MSH5: variants seen among roughly 807,000 people sequenced by gnomAD.
MSH5 encodes mutS homolog 5, also known as mutS protein homolog 5.
A neutral mutation model predicts 107.7 loss-of-function variants in MSH5; 78 were observed. The observed-to-expected ratio is 0.72, with a 90% confidence interval of 0.60 to 0.87. The LOEUF (loss-of-function observed/expected upper bound fraction) is 0.87, where lower values mean the gene tolerates loss of function less well. Ranked by LOEUF, MSH5 falls within the 40% of genes least tolerant of loss-of-function variation. MSH5 has a pLI of 0.00. For synonymous variants in MSH5, 326 were observed against 399.5 expected, an observed-to-expected ratio of 0.82 and a Z score of 2.19; for missense variants, 889 against 1,046.6, an observed-to-expected ratio of 0.85 and a Z score of 2.08.
Position 31,743,952 on chromosome 6 carries a change from T to C in MSH5, c.464T>C (p.Ile155Thr). Residue 155 changes from isoleucine to threonine, a missense_variant, in exon 6 of 25, where the codon ATC becomes ACC. Ile to Thr is a moderately conservative substitution (Grantham distance 89). Coordinates refer to ENST00000375750, the MANE Select transcript of MSH5 (RefSeq NM_172166.4). Reference sequence around the variant, plus strand: ...CTCCTTTCTGGAAACTACTCCTTCATCCCAGACGCCATGACTGCCACTGAG... The same window carrying C: ...CTCCTTTCTGGAAACTACTCCTTCACCCCAGACGCCATGACTGCCACTGAG... ...QRLLSGNYSF[I>T]PDAMTATEKI... is the part of the protein sequence containing the mutation. 6.2e-7 allele frequency: 1 copy of C among 1,613,706 alleles called. No homozygotes were observed. Among genetic ancestry groups the C allele is most frequent in the Non-Finnish European group, 8.5e-7 (1 of 1,180,020 alleles).
At chr6:31,741,131 A>G in intron 2 of MSH5, 32 bp from the exon 3 acceptor site, 1 of 1,611,800 alleles carries the variant, frequency 6.2e-7, no homozygotes, top group Non-Finnish European at 8.5e-7. Flanking sequence ...GAGTGATTCT[A>G]ATAGTGATTT....
intron 12 of MSH5, among the ~76,000 whole-genome samples, chr6:31,755,929 T>C (rs1810408308): frequency 2.0e-5 from 3 of 152,178 alleles, no homozygotes. Flanking sequence ...TCTTATAGTG[T>C]TTTCCATTAG....
At position 31,762,587 on chromosome 6, in the gene MSH5, TC is replaced by T; in HGVS notation, c.*57del. ...GAGACTCCGGTGGGCTGCCATGCCC[TC>T]TTTGTTTCCTTATCTCCCTCAGACG... On this transcript the variant is annotated 3_prime_UTR_variant, in exon 25 of 25. Transcript: ENST00000375750. 9.0e-7 allele frequency: 1 copy of T among 1,114,920 alleles called. No homozygotes were observed. The allele number at this position is 1,114,920 out of a possible 1,614,324, so 69.1% of individuals were successfully genotyped here.
rs1274284896 is a variant in MSH5, at chr6:31,740,854, G to A, written c.147+241G>A. Among the ~76,000 whole-genome samples the A allele has an allele frequency of 6.6e-6, 1 of 152,086 alleles. No individual in the cohort carries two copies. The highest frequency in any genetic ancestry group is 1.5e-5 in the Non-Finnish European group (1 of 68,014). On this transcript the variant is annotated intron_variant, in intron 2 of 24. Transcript: ENST00000375750. The surrounding 1 kb of genome is among the most constrained non-coding windows in gnomAD (Gnocchi z 4.4). ...CACGTGCCTGTTATCCCAGCTACTG[G>A]GAAGGCTGAGGCAGGAGAATCACTG...
At position 31,759,092 on chromosome 6, in the gene MSH5, C is replaced by A; in HGVS notation, c.1327-5C>A. The A allele has an allele frequency of 6.2e-7, 1 of 1,612,364 alleles. No homozygotes were observed. The highest frequency in any genetic ancestry group is 1.1e-5 in the South Asian group (1 of 91,064). ...AGTAGAGTATCTCCTCTTTACTCTC[C>A]CCAGATTGGCTTCCTTCTTTCTATT... On this transcript the variant is annotated splice_region_variant and splice_polypyrimidine_tract_variant and intron_variant, in intron 15 of 24. Transcript: ENST00000375750. This position sits in a 1 kb window ranked among gnomAD's most constrained non-coding sequence, Gnocchi z 4.7.
At chr6:31,754,338 T>A (rs1260301546) in intron 12 of MSH5, among the ~76,000 whole-genome samples, 7 of 149,774 alleles carry the variant, frequency 4.7e-5, no homozygotes, top group African/African-American at 1.7e-4. Flanking sequence ...TTAGTAGAGA[T>A]GGGATTTCAC....
chr6:31,743,022 GC>G, intron 4 of MSH5, 65 bp downstream of exon 4: 1 of 1,608,272 alleles, frequency 6.2e-7, no homozygotes, highest in Non-Finnish European at 8.5e-7. Flanking sequence ...ATTCCAGGGG[GC>G]TAGAATTGGG....
rs1315808090 is a variant in MSH5 at position 31,740,721 on chromosome 6, G to A, written c.147+108G>A. ...CACACCTGTAATCTTAGCACTTTGG[G>A]AGACTGAGGCGGGCGGATCACCTGA... is the stretch of plus-strand genomic sequence containing the variant. On this transcript the variant is annotated intron_variant, in intron 2 of 24. Coordinates refer to ENST00000375750, the MANE Select transcript of MSH5 (RefSeq NM_172166.4). The surrounding 1 kb of genome is among the most constrained non-coding windows in gnomAD (Gnocchi z 4.4). 4.8e-6 allele frequency: 6 copies of A among 1,260,438 alleles called. No individual in the cohort carries two copies. Among genetic ancestry groups the A allele is most frequent in the Non-Finnish European group, 3.1e-6 (3 of 960,774 alleles). 78.1% of individuals were successfully genotyped at this position (1,260,438 alleles called of 1,614,324 possible).
intron 9 of MSH5, chr6:31,746,377 A>G (rs1391434678): frequency 6.6e-6 from 1 of 151,046 alleles, no homozygotes; most frequent in Non-Finnish European, 1.5e-5. Flanking sequence ...GATTACAGGC[A>G]TGAGCGACCG....
intron 2 of MSH5, 107 bp from the exon 3 acceptor site, chr6:31,741,056 A>C (rs934385156): frequency 1.4e-5 from 20 of 1,402,422 alleles, no homozygotes; most frequent in Non-Finnish European, 4.9e-6. Context: ...GGGGGTGATG[A>C]TGCCTATCTC....
chr6:31,757,921 C>T (rs1810594807), intron 12 of MSH5: 3 of 557,642 alleles, frequency 5.4e-6, no homozygotes, highest in Non-Finnish European at 9.5e-6. Flanking sequence ...CTACCCACCT[C>T]AGCCTCCCAA....
At chr6:31,744,383 G>A in intron 7 of MSH5, 84 bp downstream of exon 7, 1 of 1,584,900 alleles carries the variant, frequency 6.3e-7, no homozygotes, top group South Asian at 1.1e-5. Flanking sequence ...TGTGGATGTG[G>A]CTGTGACCCA....
chr6:31,740,377 C>T lies in MSH5; in HGVS notation c.-13-77C>T, dbSNP rs28381346. ...TGTAGCAGAAGTACTTAGTGCTTTG[C>T]ATTCTGCGCGCCACCCTACCCCGGC... On this transcript the variant is annotated intron_variant, in intron 1 of 24. Transcript: ENST00000375750. The surrounding 1 kb of genome is among the most constrained non-coding windows in gnomAD (Gnocchi z 4.4). The T allele has an allele frequency of 5.3e-4, 771 of 1,467,806 alleles. 12 individuals carry two copies. The East Asian group carries it at 0.019, about 36-fold the overall frequency. The allele number at this position is 1,467,806 out of a possible 1,614,324, so 90.9% of individuals were successfully genotyped here. A position where few individuals can be genotyped will look rare whatever the true frequency, so the allele number is the denominator to read the frequency against.
intron 7 of MSH5, 70 bp downstream of exon 7, chr6:31,744,369 G>T (rs1372059524): frequency 2.5e-6 from 4 of 1,600,902 alleles, no homozygotes; most frequent in Non-Finnish European, 3.4e-6. Flanking sequence ...AAGTGGGGGT[G>T]GGGTGTGGAT....
chr6:31,741,757 A>G (rs552665036), intron 3 of MSH5, among the ~76,000 whole-genome samples: 9 of 122,480 alleles, frequency 7.3e-5, no homozygotes, highest in Admixed American at 6.3e-4. Context: ...GACTCTGAGT[A>G]ATTTGTTAAA....
chr6:31,757,989 C>T, intron 12 of MSH5, 176 bp from the exon 13 acceptor site: 2 of 733,358 alleles, frequency 2.7e-6, no homozygotes, highest in Non-Finnish European at 4.4e-6. Context: ...TCTTAATTGT[C>T]TTTGTAGTTT....
At chr6:31,743,539 T>C (rs1337982674) in intron 5 of MSH5, 6 of 431,812 alleles carry the variant, frequency 1.4e-5, no homozygotes, top group East Asian at 8.1e-5. Context: ...TCTATAACTT[T>C]CCTAGGTTTA....
intron 12 of MSH5, among the ~76,000 whole-genome samples, chr6:31,755,254 C>T (rs1377909088): frequency 1.3e-5 from 2 of 152,044 alleles, no homozygotes; most frequent in African/African-American, 2.4e-5. Context: ...TGGGCTCAAG[C>T]GATCCTCCCC....
At position 31,762,469 on chromosome 6, in the gene MSH5, A is replaced by G. The variant is rs1811109113; in HGVS notation, c.2443A>G (p.Asn815Asp). The G allele has an allele frequency of 6.2e-7, 1 of 1,614,040 alleles. No homozygotes were observed. Among genetic ancestry groups the G allele is most frequent in the Non-Finnish European group, 8.5e-7 (1 of 1,179,982 alleles). The change falls in exon 25 of 25, where the codon AAC (asparagine) becomes GAC (aspartate). Residue 815 changes from asparagine to aspartate, a missense_variant. Physicochemically the swap from Asn to Asp is conservative, Grantham distance 23. Around this residue, in one of 3 missense-constraint regions of MSH5, gnomAD observed 362 missense variants for 456.2 expected, o/e 0.79. Coordinates refer to ENST00000375750, the MANE Select transcript of MSH5 (RefSeq NM_172166.4). ...KFMKLDLEDP[N>D]LDLNVFMSQE... ...TATGAAACTGGATTTGGAAGATCCT[A>G]ACCTGGACTTGAACGTTTTCATGAG... is the stretch of plus-strand genomic sequence containing the variant.
Sources: gnomAD v4.1 joint callset for allele counts (sites outside exome capture counted in the v4.1 genomes callset) on GRCh38, gnomAD v4.1.1 for gene constraint, gnomAD v4.1.1 regional missense constraint, Gnocchi (gnomAD v3.1) non-coding constraint, MANE v1.5 for transcripts, NCBI Gene and HGNC (gene_info 2026-07-23, HGNC 2026-07-21) for gene names.